The following MTA3 variants were observed in gnomAD, a reference collection of about 807,000 sequenced individuals.
The protein encoded by MTA3 is metastasis-associated protein MTA3.
Under a neutral mutation model 83.5 loss-of-function variants are expected in MTA3, and 34 were observed. The ratio of observed to expected loss-of-function variants is 0.41; its 90% CI spans 0.31 to 0.54. The LOEUF (loss-of-function observed/expected upper bound fraction) is 0.54. MTA3 is among the 20% of genes least tolerant of loss of function. The probability of loss-of-function intolerance (pLI) is 0.33; values close to 1 mark genes in which losing one functional copy is unlikely to be tolerated. For synonymous variants in MTA3, 303 were observed against 252.7 expected (o/e 1.20, Z -1.89); for missense variants, 761 against 726.4 (o/e 1.05, Z -0.55).
At position 42,682,492 on chromosome 2, in the gene MTA3, G is replaced by A; in HGVS notation, c.794G>A (p.Arg265Lys). The A allele has an allele frequency of 6.2e-7, 1 of 1,612,382 alleles. No individual in the cohort carries two copies. Among genetic ancestry groups the A allele is most frequent in the Non-Finnish European group, 8.5e-7 (1 of 1,179,244 alleles). ...CCACTCGGAGGACCTGTTTTATGCA[G>A]AGATGAAATGGAGGAATGGTCAGCC... ...LVPLGGPVLC[R>K]DEMEEWSASE... The change falls in exon 9 of 17, where the codon AGA becomes AAA. Residue 265 changes from arginine (R) to lysine (K), a missense_variant. Coordinates refer to ENST00000405094, the MANE Select transcript of MTA3 (RefSeq NM_001330442.2).
At chr2:42,607,605 A>G (rs1683640297) in intron 3 of MTA3, among the ~76,000 whole-genome samples, 1 of 152,096 alleles carries the variant, frequency 6.6e-6, no homozygotes, top group African/African-American at 2.4e-5. Flanking sequence ...CAGCCTCCCA[A>G]AGTGCTGGAA....
At chr2:42,601,205 A>T (rs1185255248) in intron 3 of MTA3, among the ~76,000 whole-genome samples, 1 of 152,094 alleles carries the variant, frequency 6.6e-6, no homozygotes, top group Non-Finnish European at 1.5e-5. Flanking sequence ...TCCCTGACCC[A>T]TTTTTTATTA....
At chr2:42,689,712 G>A (rs890024198) in intron 9 of MTA3, among the ~76,000 whole-genome samples, 2 of 148,880 alleles carry the variant, frequency 1.3e-5, no homozygotes, top group African/African-American at 4.9e-5. Flanking sequence ...TCCTTTTATG[G>A]TCTGTAGCAT....
chr2:42,563,802 TCC>T (rs1677776075), upstream of MTA3, among the ~76,000 whole-genome samples: 1 of 146,366 alleles, frequency 6.8e-6, no homozygotes, highest in Non-Finnish European at 1.5e-5. Context: ...CTTCCTTCCT[TCC>T]TTCCTTCCTT....
At chr2:42,659,891 A>G (rs1573512602) in intron 8 of MTA3, 29 bp downstream of exon 8, 2 of 1,537,286 alleles carry the variant, frequency 1.3e-6, no homozygotes, top group Non-Finnish European at 1.8e-6. Context: ...TTTTGTGGGT[A>G]TTTATCCTTC....
intron 12 of MTA3, 85 bp from the exon 13 acceptor site, chr2:42,707,818 T>C: frequency 3.8e-6 from 5 of 1,328,644 alleles, no homozygotes; most frequent in Non-Finnish European, 5.1e-6. Flanking sequence ...GCATGACAAG[T>C]ATTTTTAAAA....
chr2:42,657,954 C>T (rs1016809977), intron 7 of MTA3, among the ~76,000 whole-genome samples: 9 of 151,126 alleles, frequency 6.0e-5, no homozygotes, highest in African/African-American at 2.2e-4. Context: ...TGCCTGTAAT[C>T]CCAGCTACTT....
intron 8 of MTA3, among the ~76,000 whole-genome samples, chr2:42,676,277 C>G (rs901344342): frequency 6.6e-5 from 10 of 152,186 alleles, no homozygotes; most frequent in Non-Finnish European, 1.0e-4. Context: ...GGCTAAGATA[C>G]TACTTCAGTT....
intron 4 of MTA3, among the ~76,000 whole-genome samples, chr2:42,633,189 G>A (rs553873380): frequency 6.6e-6 from 1 of 152,010 alleles, no homozygotes; most frequent in Admixed American, 6.6e-5. Context: ...TTTGAACCTG[G>A]AAGGCAGAGG....
At chr2:42,663,712 C>G (rs1689950380) in intron 8 of MTA3, among the ~76,000 whole-genome samples, 1 of 152,158 alleles carries the variant, frequency 6.6e-6, no homozygotes, top group Non-Finnish European at 1.5e-5. Flanking sequence ...CTGCAGTGAG[C>G]TATGATCATC....
chr2:42,636,366 T>C (rs750965002), intron 4 of MTA3, among the ~76,000 whole-genome samples: 1 of 151,824 alleles, frequency 6.6e-6, no homozygotes, highest in Non-Finnish European at 1.5e-5. Context: ...ATAGCAAAAC[T>C]CTATCTCTAC....
intron 2 of MTA3, among the ~76,000 whole-genome samples, chr2:42,526,346 C>T (rs1037980399): frequency 6.6e-6 from 1 of 152,194 alleles, no homozygotes; most frequent in African/African-American, 2.4e-5. Flanking sequence ...ATTACAGGCG[C>T]ATGCCACCGA....
intron 2 of MTA3, among the ~76,000 whole-genome samples, chr2:42,528,978 T>C (rs1234370820): frequency 6.6e-6 from 1 of 152,208 alleles, no homozygotes; most frequent in East Asian, 1.9e-4. Flanking sequence ...TTGGCAAAAC[T>C]TGGAGATTGG....
intron 5 of MTA3, among the ~76,000 whole-genome samples, chr2:42,641,206 C>CT (rs1353483266): frequency 2.1e-5 from 3 of 145,330 alleles, no homozygotes; most frequent in African/African-American, 7.8e-5. Flanking sequence ...TGTGCCTGGC[C>CT]GGTTTTTTTT....
intron 5 of MTA3, among the ~76,000 whole-genome samples, chr2:42,641,208 GTTTT>G (rs1165358003): frequency 1.5e-5 from 2 of 131,722 alleles, no homozygotes; most frequent in South Asian, 2.4e-4. Context: ...TGCCTGGCCG[GTTTT>G]TTTTTTTTTT....
intron 8 of MTA3, among the ~76,000 whole-genome samples, chr2:42,673,019 G>A (rs1690975520): frequency 6.6e-6 from 1 of 151,782 alleles, no homozygotes; most frequent in Non-Finnish European, 1.5e-5. Context: ...GCTAATTTTT[G>A]TATTTTTAGT....
chr2:42,693,269 G>GGGCTT (rs1357093853), intron 9 of MTA3, among the ~76,000 whole-genome samples: 1 of 152,078 alleles, frequency 6.6e-6, no homozygotes, highest in Non-Finnish European at 1.5e-5. Context: ...CAAGGCCCTA[G>GGGCTT]GGCTCCACAA....
intron 9 of MTA3, among the ~76,000 whole-genome samples, chr2:42,694,559 T>C (rs1192980331): frequency 6.6e-6 from 1 of 152,136 alleles, no homozygotes; most frequent in Non-Finnish European, 1.5e-5. Flanking sequence ...AAGTTCAATG[T>C]AAAGTCCCCT....
intron 3 of MTA3, among the ~76,000 whole-genome samples, chr2:42,579,753 G>T (rs1027364678): frequency 1.3e-5 from 2 of 152,080 alleles, no homozygotes; most frequent in African/African-American, 4.8e-5. Flanking sequence ...GTCTTGCTAT[G>T]TTGCCCAGGC....
Sources: gnomAD v4.1 joint callset for allele counts (sites outside exome capture counted in the v4.1 genomes callset) on GRCh38, gnomAD v4.1.1 for gene constraint, MANE v1.5 for transcripts, NCBI Gene and HGNC (gene_info 2026-07-23, HGNC 2026-07-21) for gene names.